The following HEPH variants were observed in gnomAD, a reference collection of about 807,000 sequenced individuals.
The protein encoded by HEPH is hephaestin.
HEPH carries 69 observed loss-of-function variants against 80.8 expected under a neutral mutation model. The ratio of observed to expected loss-of-function variants is 0.85; its 90% CI spans 0.70 to 1.04. The LOEUF (loss-of-function observed/expected upper bound fraction) is 1.04, where lower values mean the gene tolerates loss of function less well. HEPH is among the 50% of genes least tolerant of loss of function. The pLI is 0.00. For missense variants in HEPH, 1,115 were observed against 891.3 expected, an observed-to-expected ratio of 1.25 and a Z score of -3.20; for synonymous variants, 431 against 322.8, an observed-to-expected ratio of 1.34 and a Z score of -3.60.
rs186368173 is a variant in HEPH, at chrX:66,186,569, G to A, written c.626-1790G>A. Among the ~76,000 whole-genome samples the A allele has an allele frequency of 3.9e-3, 441 of 112,615 alleles. 1 individual carries two copies. The highest frequency in any genetic ancestry group is 0.014 in the African/African-American group (421 of 31,086). On this transcript the variant is annotated intron_variant, in intron 4 of 20. Coordinates refer to ENST00000343002, the MANE Select transcript of HEPH (RefSeq NM_001367233.3). Reference sequence around the variant, plus strand: ...CTTGCCCTGCTTCGGCTCGCGCATGGTGCGCACACACACTGGCCTGCGCCC... The same window carrying A: ...CTTGCCCTGCTTCGGCTCGCGCATGATGCGCACACACACTGGCCTGCGCCC...
intron 15 of HEPH, among the ~76,000 whole-genome samples, chrX:66,225,614 C>T (rs181369533): frequency 9.8e-5 from 11 of 112,481 alleles, no homozygotes; most frequent in Non-Finnish European, 1.9e-4. Context: ...ATTTCCTTCC[C>T]GGTGTTCAGC....
intron 15 of HEPH, among the ~76,000 whole-genome samples, chrX:66,225,471 C>G (rs141299597): frequency 8.9e-6 from 1 of 112,221 alleles, no homozygotes; most frequent in Non-Finnish European, 1.9e-5. Context: ...CAATCCAAGT[C>G]AAGTCAAAAA....
intron 4 of HEPH, among the ~76,000 whole-genome samples, chrX:66,176,696 G>C (rs2086819332): frequency 9.1e-6 from 1 of 110,468 alleles, no homozygotes; most frequent in African/African-American, 3.3e-5. Context: ...TCCCATTCCT[G>C]TGTCCATGTG....
rs138322190 is a variant in HEPH, at chrX:66,175,984, T to C, written c.625+2183T>C. Among the ~76,000 whole-genome samples, 22 of 111,789 alleles carry C rather than the reference T, an allele frequency of 2.0e-4. No homozygotes were observed. The East Asian group carries it at 6.2e-3, about 31-fold the overall frequency. On this transcript the variant is annotated intron_variant, in intron 4 of 20. Transcript: ENST00000343002. The stretch of plus-strand genomic sequence containing the variant: ...AACAGTGACAGTTTGACTTCCTCTT[T>C]ACATATTTAGAGGCCCTTTATTTCT...
At chrX:66,202,938 T>TATACAC (rs1419712201) in intron 12 of HEPH, among the ~76,000 whole-genome samples, 1 of 96,818 alleles carries the variant, frequency 1.0e-5, no homozygotes, top group Non-Finnish European at 2.0e-5. Context: ...TATATATATA[T>TATACAC]ACACACACAC....
At chrX:66,217,928 A>T (rs1290304855) in intron 15 of HEPH, among the ~76,000 whole-genome samples, 1 of 111,918 alleles carries the variant, frequency 8.9e-6, no homozygotes, top group African/African-American at 3.2e-5. Flanking sequence ...AACAGCAGTT[A>T]AAAAAGGCAA....
chrX:66,225,659 G>A (rs750371779), intron 15 of HEPH, among the ~76,000 whole-genome samples: 13 of 112,405 alleles, frequency 1.2e-4, no homozygotes, highest in South Asian at 3.7e-4. Context: ...CCTGCCATGC[G>A]CTGCTCTGGC....
intron 19 of HEPH, among the ~76,000 whole-genome samples, chrX:66,260,551 G>A (rs764702847): frequency 1.8e-5 from 2 of 111,589 alleles, no homozygotes; most frequent in Non-Finnish European, 3.8e-5. Context: ...GCCTGAAACC[G>A]GTTTGGCTCT....
chrX:66,238,737 A>T (rs998471020), intron 15 of HEPH, among the ~76,000 whole-genome samples: 6 of 111,775 alleles, frequency 5.4e-5, no homozygotes, highest in Non-Finnish European at 9.4e-5. Context: ...GAGCTGTGAA[A>T]TGGGAAATCA....
intron 15 of HEPH, among the ~76,000 whole-genome samples, chrX:66,239,879 C>T (rs1338776768): frequency 8.9e-6 from 1 of 111,888 alleles, no homozygotes; most frequent in Admixed American, 9.5e-5. Context: ...CCTTTGTTGT[C>T]AAGCCCTTCT....
rs905868493 is a variant in HEPH at position 66,207,219 on chromosome X, C to G, written c.2316C>G (p.Asn772Lys). Residue 772 changes from asparagine (N) to lysine (K), a missense_variant, in exon 14 of 21, where the codon AAC (asparagine) becomes AAG (lysine). Around this residue, in one of 3 missense-constraint regions of HEPH, gnomAD observed 716 missense variants for 523.5 expected, o/e 1.37. Coordinates refer to ENST00000343002, the MANE Select transcript of HEPH (RefSeq NM_001367233.3). ...KDSYGYIFLS[N>K]KDGLLGSRYK... The stretch of plus-strand genomic sequence containing the variant: ...GTTATGGTTACATTTTCCTGAGCAA[C>G]AAGGATGGGCTCCTGGGTTCCAGAT... 1.7e-6 allele frequency: 2 copies of G among 1,203,045 alleles called. No homozygotes were observed. Among genetic ancestry groups the G allele is most frequent in the African/African-American group, 1.8e-5 (1 of 56,079 alleles).
chrX:66,244,999 C>A (rs559998323), intron 15 of HEPH, among the ~76,000 whole-genome samples: 5 of 110,122 alleles, frequency 4.5e-5, no homozygotes, highest in Non-Finnish European at 7.6e-5. Flanking sequence ...AGAAAACTTC[C>A]ATTTATGTGA....
intron 15 of HEPH, among the ~76,000 whole-genome samples, chrX:66,230,178 T>A (rs1375000458): frequency 1.2e-5 from 1 of 86,545 alleles, no homozygotes; most frequent in African/African-American, 4.5e-5. Flanking sequence ...TCTATCATTG[T>A]TGGACATTTG....
At chrX:66,203,233 A>G in intron 12 of HEPH, 131 bp from the exon 13 acceptor site, 1 of 503,440 alleles carries the variant, frequency 2.0e-6, no homozygotes, top group Non-Finnish European at 3.3e-6. Flanking sequence ...TGTGTAGTTA[A>G]GGCAAGAGCC....
chrX:66,177,580 T>C (rs1329742188), intron 4 of HEPH, among the ~76,000 whole-genome samples: 3 of 112,202 alleles, frequency 2.7e-5, no homozygotes, highest in Non-Finnish European at 3.8e-5. Flanking sequence ...ACGTTTCATT[T>C]CTTAATGAGG....
chrX:66,176,609 A>G lies in HEPH; in HGVS notation c.625+2808A>G, dbSNP rs763521863. On this transcript the variant is annotated intron_variant, in intron 4 of 20. Coordinates refer to ENST00000343002, the MANE Select transcript of HEPH (RefSeq NM_001367233.3). Reference sequence around the variant, plus strand: ...GGTGCGCTGCACCCATTACCTCATCATTTAGCATTAGGTATATCTCCTAAT... The same window carrying G: ...GGTGCGCTGCACCCATTACCTCATCGTTTAGCATTAGGTATATCTCCTAAT... 1.8e-4 allele frequency among the ~76,000 whole-genome samples: 20 copies of G among 111,263 alleles called. No individual in the cohort carries two copies. In the East Asian group the frequency reaches 5.7e-3, roughly 32 times the overall value.
At chrX:66,210,245 G>A (rs2089036819) in intron 15 of HEPH, among the ~76,000 whole-genome samples, 1 of 112,111 alleles carries the variant, frequency 8.9e-6, no homozygotes, top group Non-Finnish European at 1.9e-5. Context: ...TAAAATAAGA[G>A]CAGAAAATTT....
At chrX:66,238,734 G>A (rs1388976111) in intron 15 of HEPH, among the ~76,000 whole-genome samples, 2 of 111,647 alleles carry the variant, frequency 1.8e-5, no homozygotes, top group Admixed American at 1.9e-4. Flanking sequence ...ATAGAGCTGT[G>A]AAATGGGAAA....
At chrX:66,263,176 A>G (rs975474850) in intron 19 of HEPH, among the ~76,000 whole-genome samples, 4 of 112,063 alleles carry the variant, frequency 3.6e-5, no homozygotes, top group Admixed American at 2.8e-4. Context: ...GAGGAGGAAC[A>G]ATGATCTCAA....
Sources: allele counts gnomAD v4.1 joint callset (sites outside exome capture counted in the v4.1 genomes callset), GRCh38; gene constraint gnomAD v4.1.1; regional missense constraint gnomAD v4.1.1; transcripts MANE v1.5; gene names NCBI Gene and HGNC (gene_info 2026-07-23, HGNC 2026-07-21).